The following OVCH1 variants were observed in gnomAD, a reference collection of about 807,000 sequenced individuals.
The protein encoded by OVCH1 is ovochymase 1, also known as ovochymase-1.
OVCH1 carries 139 observed loss-of-function variants against 138.4 expected under a neutral mutation model. That is an observed-to-expected ratio of 1.00 (90% confidence interval 0.87 to 1.16). The LOEUF is 1.16. Ranked by LOEUF, OVCH1 falls within the 50% of genes most tolerant of loss-of-function variation. OVCH1 has a pLI of 0.00. For synonymous variants in OVCH1, 453 were observed against 467.8 expected (o/e 0.97, Z 0.41); for missense variants, 1,367 against 1,357.9 (o/e 1.01, Z -0.11).
At chr12:29,427,554 G>C, downstream of OVCH1, 1 of 1,551,274 alleles carries the variant, frequency 6.4e-7, no homozygotes, top group Non-Finnish European at 8.7e-7. Context: ...TGAGGACCCA[G>C]TGAGAATGGG....
In OVCH1 at chr12:29,415,447, C is replaced by T. The variant is rs76344495; in HGVS notation, c.*72-2722G>A. Among the ~76,000 whole-genome samples the T allele has an allele frequency of 1.5e-4, 23 of 152,076 alleles. 1 individual carries two copies. In the South Asian group the frequency reaches 4.1e-3, roughly 27 times the overall value. On this transcript the variant is annotated intron_variant and NMD_transcript_variant, in intron 3 of 4. Transcript: ENST00000539117. ...CCTTGGCTGCACATTAAAATTTCCA[C>T]GAGAAATTTATAAAATACCACTGCT...
At chr12:29,462,197 T>C (rs1234855262) in intron 18 of OVCH1, among the ~76,000 whole-genome samples, 189 bp from the exon 19 acceptor site, 1 of 152,176 alleles carries the variant, frequency 6.6e-6, no homozygotes, top group Non-Finnish European at 1.5e-5. Flanking sequence ...TTTCCCAATT[T>C]GGCATTTTTG....
chr12:29,449,566 G>A (rs1002891491), intron 22 of OVCH1, among the ~76,000 whole-genome samples: 3 of 152,068 alleles, frequency 2.0e-5, no homozygotes, highest in Non-Finnish European at 4.4e-5. Context: ...TCTCCTTGAA[G>A]AGGTCCTTCA....
chr12:29,421,677 T>C (rs928902229), intron 3 of OVCH1, among the ~76,000 whole-genome samples: 2 of 152,116 alleles, frequency 1.3e-5, no homozygotes, highest in Middle Eastern at 3.2e-3. Flanking sequence ...AGAACACATA[T>C]AAGGAAAATT....
chr12:29,473,074 G>A (rs752546925), exon 15 of OVCH1: 2 of 1,609,902 alleles, frequency 1.2e-6, no homozygotes, highest in Admixed American at 1.7e-5. Flanking sequence ...TTTTGGGGAG[G>A]TAACTTTGGT....
intron 12 of OVCH1, among the ~76,000 whole-genome samples, chr12:29,476,800 CACACACAG>C (rs202026398): frequency 0.091 from 4,530 of 49,800 alleles, 274 homozygotes; most frequent in African/African-American, 0.22. Flanking sequence ...CACACACACA[CACACACAG>C]GTTAGTAAAT....
chr12:29,477,170 G>A (rs751810375), exon 12 of OVCH1: 52 of 1,613,488 alleles, frequency 3.2e-5, no homozygotes, highest in Non-Finnish European at 4.3e-5. Flanking sequence ...TACAAATCAG[G>A]ATACTTGGCA....
At chr12:29,494,321 C>A (rs896998099) in intron 4 of OVCH1, among the ~76,000 whole-genome samples, 1 of 152,036 alleles carries the variant, frequency 6.6e-6, no homozygotes, top group Admixed American at 6.6e-5. Context: ...TTGTTTTTGG[C>A]CACTTAACAC....
chr12:29,478,113 A>G (rs1386532517), intron 9 of OVCH1, among the ~76,000 whole-genome samples: 4 of 152,326 alleles, frequency 2.6e-5, no homozygotes, highest in African/African-American at 4.8e-5. Context: ...CCAGCTGTGG[A>G]GAGCTTCTAT....
At chr12:29,485,527 C>T (rs898836900) in intron 8 of OVCH1, among the ~76,000 whole-genome samples, 5 of 151,856 alleles carry the variant, frequency 3.3e-5, no homozygotes, top group African/African-American at 1.2e-4. Context: ...GTAATACCAG[C>T]ACTTTGGGAG....
At chr12:29,406,544 G>A in the OVCH1 span, among the ~76,000 whole-genome samples, 1 of 151,980 alleles carries the variant, frequency 6.6e-6, no homozygotes, top group South Asian at 2.1e-4. Context: ...CTATGAGTGA[G>A]AATATACGGT....
At chr12:29,404,060 C>T in the OVCH1 span, among the ~76,000 whole-genome samples, 4 of 152,170 alleles carry the variant, frequency 2.6e-5, no homozygotes, top group Non-Finnish European at 5.9e-5. Context: ...TAATGATGGG[C>T]GGAAGTGACA....
chr12:29,449,089 C>G (rs1941699785), intron 22 of OVCH1, among the ~76,000 whole-genome samples: 1 of 152,224 alleles, frequency 6.6e-6, no homozygotes, highest in Middle Eastern at 3.4e-3. Context: ...TTCACCAAAT[C>G]TTTTCAATCC....
chr12:29,473,963 G>A (rs747715102), intron 14 of OVCH1, among the ~76,000 whole-genome samples: 2 of 151,920 alleles, frequency 1.3e-5, no homozygotes, highest in Non-Finnish European at 2.9e-5. Flanking sequence ...TGGACTCCAA[G>A]TTCTTCAGTT....
chr12:29,442,273 C>T (rs1941505275), intron 25 of OVCH1, among the ~76,000 whole-genome samples: 1 of 151,482 alleles, frequency 6.6e-6, no homozygotes, highest in African/African-American at 2.4e-5. Flanking sequence ...ACATATACAC[C>T]ATGGAATATT....
At chr12:29,453,001 A>G (rs1014568593) in intron 21 of OVCH1, among the ~76,000 whole-genome samples, 1 of 152,200 alleles carries the variant, frequency 6.6e-6, no homozygotes, top group Non-Finnish European at 1.5e-5. Flanking sequence ...TTCATTTTCT[A>G]ATGGTCTGAA....
intron 25 of OVCH1, among the ~76,000 whole-genome samples, chr12:29,443,096 CTTTAT>C (rs1055683622): frequency 4.6e-5 from 7 of 152,072 alleles, no homozygotes; most frequent in Non-Finnish European, 5.9e-5. Context: ...TTCATTCATT[CTTTAT>C]TTTTAGTATT....
In OVCH1 at chr12:29,476,205, C is replaced by T. The variant is rs2136027516; in HGVS notation, c.1471+1G>A. ...ATATTTAAAGGGTGAAGTCTACCTACCTAACTTGTGCTTTTCTTCAGAATC... is the reference window on the plus strand; with the variant it reads ...ATATTTAAAGGGTGAAGTCTACCTATCTAACTTGTGCTTTTCTTCAGAATC... On this transcript the variant is annotated splice_donor_variant, in intron 13 of 27. Transcript: ENST00000318184. LOFTEE classifies it high-confidence loss of function. 1 of 1,609,306 alleles carries T rather than the reference C, an allele frequency of 6.2e-7. No homozygotes were observed.
intron 16 of OVCH1, among the ~76,000 whole-genome samples, chr12:29,468,666 T>C (rs905597637): frequency 6.6e-6 from 1 of 152,196 alleles, no homozygotes; most frequent in Non-Finnish European, 1.5e-5. Context: ...ATAGAATTCT[T>C]ATAAAAATAG....
Sources: gnomAD v4.1 joint callset for allele counts (sites outside exome capture counted in the v4.1 genomes callset) on GRCh38, gnomAD v4.1.1 for gene constraint, MANE v1.5 for transcripts, NCBI Gene and HGNC (gene_info 2026-07-23, HGNC 2026-07-21) for gene names.